Variants in ARMH3 observed in about 807,000 individuals in gnomAD.
ARMH3 encodes armadillo-like helical domain-containing protein 3.
In ARMH3, 60 loss-of-function variants were observed where a neutral mutation model predicts 99.1. The observed-to-expected ratio is 0.61, with a 90% CI of 0.49 to 0.75. The LOEUF (loss-of-function observed/expected upper bound fraction) is 0.75. Among genes scored for constraint, ARMH3 ranks in the 30% least tolerant of loss-of-function variants. ARMH3 has a pLI of 0.00. For missense variants in ARMH3, 679 were observed against 843.1 expected, an observed-to-expected ratio of 0.81 and a Z score of 2.41; for synonymous variants, 285 against 292.8, an observed-to-expected ratio of 0.97 and a Z score of 0.27.
intron 23 of ARMH3, among the ~76,000 whole-genome samples, chr10:101,935,449 G>C (rs938326150): frequency 2.0e-5 from 3 of 152,118 alleles, no homozygotes; most frequent in African/African-American, 7.2e-5. Flanking sequence ...TTTATGCTCC[G>C]AGTGTGACGA....
At chr10:101,964,885 C>T (rs752251574) in intron 20 of ARMH3, among the ~76,000 whole-genome samples, 7 of 151,408 alleles carry the variant, frequency 4.6e-5, no homozygotes, top group Non-Finnish European at 1.0e-4. Flanking sequence ...TGGTGGTACA[C>T]ACCTATAGTC....
rs1026542042 is a variant in ARMH3 at position 101,944,612 on chromosome 10, G to A, written c.1706-4674C>T. On this transcript the variant is annotated intron_variant, in intron 22 of 25. Coordinates refer to ENST00000370033, the MANE Select transcript of ARMH3 (RefSeq NM_024541.3). ...GTGGATCACCTGAGGTCAGGAGTTCGAGACCAGCCTGGCCAACATGGCGAA... is the reference window on the plus strand; with the variant it reads ...GTGGATCACCTGAGGTCAGGAGTTCAAGACCAGCCTGGCCAACATGGCGAA... 6.6e-5 allele frequency among the ~76,000 whole-genome samples: 10 copies of A among 151,956 alleles called. No individual in the cohort carries two copies. The East Asian group carries it at 1.2e-3, about 18-fold the overall frequency.
intron 24 of ARMH3, among the ~76,000 whole-genome samples, chr10:101,860,086 G>A (rs989825312): frequency 1.3e-5 from 2 of 152,098 alleles, no homozygotes; most frequent in African/African-American, 4.8e-5. Context: ...AAAAAACGGG[G>A]AAAGGGAATA....
At chr10:102,053,932 A>C (rs983436087) in intron 1 of ARMH3, among the ~76,000 whole-genome samples, 4 of 152,208 alleles carry the variant, frequency 2.6e-5, no homozygotes, top group African/African-American at 9.6e-5. Context: ...TTACATAGTA[A>C]GTGCTCAATA....
chr10:101,875,333 T>C (rs989440526), intron 24 of ARMH3, among the ~76,000 whole-genome samples: 1 of 152,122 alleles, frequency 6.6e-6, no homozygotes. Context: ...TGGGTGCTTA[T>C]AGTGACTTTC....
chr10:101,931,129 T>C (rs2135668116), intron 23 of ARMH3, among the ~76,000 whole-genome samples: 1 of 152,202 alleles, frequency 6.6e-6, no homozygotes, highest in South Asian at 2.1e-4. Flanking sequence ...GGAATGGAAA[T>C]ATGTAGGAAA....
chr10:102,020,724 G>A (rs889335184), intron 8 of ARMH3, among the ~76,000 whole-genome samples: 1 of 150,686 alleles, frequency 6.6e-6, no homozygotes, highest in Non-Finnish European at 1.5e-5. Context: ...ATTGTGGCAG[G>A]TGCCTGTAAT....
chr10:101,944,327 G>C (rs1181707799), intron 22 of ARMH3, among the ~76,000 whole-genome samples: 1 of 101,762 alleles, frequency 9.8e-6, no homozygotes, highest in African/African-American at 4.2e-5. Context: ...GAGAGAGAGA[G>C]AGTCCAAACT....
intron 23 of ARMH3, among the ~76,000 whole-genome samples, chr10:101,916,416 T>G (rs1843089524): frequency 6.6e-6 from 1 of 152,062 alleles, no homozygotes; most frequent in South Asian, 2.1e-4. Context: ...ACCTGGGAAT[T>G]TGTAAGAAAT....
intron 2 of ARMH3, 90 bp from the exon 3 acceptor site, chr10:102,033,429 T>G: frequency 7.1e-7 from 1 of 1,407,798 alleles, no homozygotes; most frequent in South Asian, 1.4e-5. Context: ...GTTTTCTTTT[T>G]TTTTTTTTGA....
intron 22 of ARMH3, among the ~76,000 whole-genome samples, chr10:101,948,733 TATC>T (rs1347598738): frequency 6.6e-6 from 1 of 152,026 alleles, no homozygotes; most frequent in Non-Finnish European, 1.5e-5. Flanking sequence ...AGAACAATAT[TATC>T]ATACAACTCA....
At chr10:102,026,776 A>G (rs1254626583) in intron 5 of ARMH3, among the ~76,000 whole-genome samples, 1 of 152,204 alleles carries the variant, frequency 6.6e-6, no homozygotes, top group Non-Finnish European at 1.5e-5. Flanking sequence ...TAAGCAGGAA[A>G]GATGTACACA....
At chr10:102,042,870 C>T (rs988708565) in intron 1 of ARMH3, among the ~76,000 whole-genome samples, 1 of 152,184 alleles carries the variant, frequency 6.6e-6, no homozygotes, top group Non-Finnish European at 1.5e-5. Flanking sequence ...GTTGGGAGTT[C>T]GAGATCAGCC....
At chr10:101,886,199 T>C (rs1370170870) in intron 24 of ARMH3, among the ~76,000 whole-genome samples, 3 of 151,048 alleles carry the variant, frequency 2.0e-5, no homozygotes, top group Admixed American at 1.3e-4. Context: ...TAAAAATACA[T>C]ACAGTTTATT....
At chr10:101,966,170 ATCCCGGC>A (rs932418795) in intron 20 of ARMH3, among the ~76,000 whole-genome samples, 1 of 147,086 alleles carries the variant, frequency 6.8e-6, no homozygotes, top group Non-Finnish European at 1.5e-5. Flanking sequence ...CAGTGGTGCA[ATCCCGGC>A]TCACTGCAAC....
chr10:101,986,785 T>C (rs1230793161), intron 19 of ARMH3, among the ~76,000 whole-genome samples: 1 of 152,016 alleles, frequency 6.6e-6, no homozygotes, highest in Non-Finnish European at 1.5e-5. Flanking sequence ...GAAAGGGAGC[T>C]AGAAGTGGGG....
intron 1 of ARMH3, among the ~76,000 whole-genome samples, chr10:102,052,345 T>A (rs11191199): frequency 0.061 from 9,287 of 152,046 alleles, 398 homozygotes; most frequent in Non-Finnish European, 0.09. Flanking sequence ...CACCTCAGCC[T>A]CCTTAGTAGC....
intron 24 of ARMH3, among the ~76,000 whole-genome samples, chr10:101,870,446 G>A (rs2067106885): frequency 6.6e-6 from 1 of 152,116 alleles, no homozygotes; most frequent in South Asian, 2.1e-4. Context: ...GATGGATGGA[G>A]ATCTATCCTA....
intron 17 of ARMH3, among the ~76,000 whole-genome samples, chr10:101,992,426 C>A (rs758924470): frequency 5.3e-5 from 8 of 151,712 alleles, no homozygotes; most frequent in Non-Finnish European, 8.8e-5. Flanking sequence ...AGTGATGGTG[C>A]CACCTATAGA....
Sources: gnomAD v4.1 joint callset for allele counts (sites outside exome capture counted in the v4.1 genomes callset) on GRCh38, gnomAD v4.1.1 for gene constraint, MANE v1.5 for transcripts, NCBI Gene and HGNC (gene_info 2026-07-23, HGNC 2026-07-21) for gene names.